The following AFF2 variants were observed in gnomAD, a reference collection of about 807,000 sequenced individuals.
The protein encoded by AFF2 is ALF transcription elongation factor 2, also known as AF4/FMR2 family member 2.
A neutral mutation model predicts 76.9 loss-of-function variants in AFF2; 14 were observed. The observed-to-expected ratio is 0.18, with a 90% CI of 0.12 to 0.28. The LOEUF (loss-of-function observed/expected upper bound fraction) is 0.28, where lower values mean the gene tolerates loss of function less well. Among genes scored for constraint, AFF2 ranks in the 10% least tolerant of loss-of-function variants. AFF2 has a pLI of 1.00. For synonymous variants in AFF2, 398 were observed against 366.7 expected, an observed-to-expected ratio of 1.09 and a Z score of -0.98; for missense variants, 868 against 1,001.1, an observed-to-expected ratio of 0.87 and a Z score of 1.79.
chrX:148,851,586 C>A (rs182668656), intron 7 of AFF2, among the ~76,000 whole-genome samples: 32 of 111,261 alleles, frequency 2.9e-4, no homozygotes, highest in Non-Finnish European at 5.1e-4. Context: ...AGAAAAGTAT[C>A]CAGAGAAGAG....
At chrX:148,753,921 A>G (rs890081045) in intron 3 of AFF2, among the ~76,000 whole-genome samples, 5 of 111,416 alleles carry the variant, frequency 4.5e-5, no homozygotes, top group Non-Finnish European at 7.5e-5. Flanking sequence ...TTGGCTCTCA[A>G]TCTTACTACG....
intron 3 of AFF2, among the ~76,000 whole-genome samples, chrX:148,672,633 C>A (rs1437456203): frequency 8.9e-6 from 1 of 112,379 alleles, no homozygotes; most frequent in Non-Finnish European, 1.9e-5. Flanking sequence ...TTTCGAAAGT[C>A]TGGACCAAAC....
chrX:148,784,282 A>C (rs1557269313), intron 3 of AFF2, among the ~76,000 whole-genome samples: 1 of 112,246 alleles, frequency 8.9e-6, no homozygotes, highest in Non-Finnish European at 1.9e-5. Context: ...CTTCCTTGCC[A>C]GAGGCAGCTG....
At chrX:148,905,901 T>C (rs1557281387) in intron 9 of AFF2, among the ~76,000 whole-genome samples, 2 of 112,721 alleles carry the variant, frequency 1.8e-5, no homozygotes, top group South Asian at 3.7e-4. Context: ...GTGCACACTC[T>C]ATCTAATGTC....
intron 2 of AFF2, among the ~76,000 whole-genome samples, chrX:148,656,268 G>A (rs2054250506): frequency 9.0e-6 from 1 of 111,512 alleles, no homozygotes; most frequent in Admixed American, 9.5e-5. Context: ...TGAGAAGGAT[G>A]TCTTCAAATG....
intron 15 of AFF2, among the ~76,000 whole-genome samples, chrX:148,970,181 C>A (rs1301546212): frequency 8.9e-6 from 1 of 111,958 alleles, no homozygotes; most frequent in Non-Finnish European, 1.9e-5. Context: ...TCACAAAATC[C>A]GCTTGAATTT....
chrX:148,977,892 G>T (rs374007505), intron 16 of AFF2, 41 bp from the exon 17 acceptor site: 148 of 984,824 alleles, frequency 1.5e-4, no homozygotes, highest in Non-Finnish European at 8.7e-5. Flanking sequence ...TTTCTGAAGG[G>T]TAATACAGAT....
intron 17 of AFF2, 47 bp from the exon 18 acceptor site, chrX:148,978,315 T>A (rs782491288): frequency 1.1e-6 from 1 of 929,379 alleles, no homozygotes; most frequent in East Asian, 3.1e-5. Context: ...GTTTATAAAG[T>A]TTCACTAAGC....
intron 8 of AFF2, among the ~76,000 whole-genome samples, chrX:148,895,878 C>G (rs1386910744): frequency 2.7e-5 from 3 of 111,207 alleles, no homozygotes; most frequent in Non-Finnish European, 5.7e-5. Context: ...TCTTACCTCT[C>G]TAATATTTCT....
intron 3 of AFF2, among the ~76,000 whole-genome samples, chrX:148,695,858 G>C (rs782198892): frequency 8.9e-6 from 1 of 111,894 alleles, no homozygotes; most frequent in Non-Finnish European, 1.9e-5. Context: ...CCAAAGGTAA[G>C]CCATCTTATC....
At chrX:148,784,539 G>A (rs1557269336) in intron 3 of AFF2, among the ~76,000 whole-genome samples, 1 of 111,606 alleles carries the variant, frequency 9.0e-6, no homozygotes, top group Non-Finnish European at 1.9e-5. Context: ...ATACCTTGAT[G>A]AGGTGAAGCG....
chrX:148,536,093 CCT>C (rs2052782334), intron 1 of AFF2, among the ~76,000 whole-genome samples: 1 of 109,651 alleles, frequency 9.1e-6, no homozygotes, highest in East Asian at 2.8e-4. Context: ...GTGGTGCGCC[CCT>C]GCTACTCGGG....
At chrX:148,927,081 G>C (rs1342444462) in intron 9 of AFF2, among the ~76,000 whole-genome samples, 1 of 112,063 alleles carries the variant, frequency 8.9e-6, no homozygotes, top group African/African-American at 3.2e-5. Flanking sequence ...TCTGAGTAAT[G>C]TTAGGATTTT....
intron 3 of AFF2, among the ~76,000 whole-genome samples, chrX:148,702,949 T>C (rs1349917932): frequency 3.6e-5 from 4 of 112,133 alleles, no homozygotes; most frequent in African/African-American, 1.3e-4. Flanking sequence ...AACAAGTTCA[T>C]TGAAACTCTT....
intron 1 of AFF2, among the ~76,000 whole-genome samples, chrX:148,506,730 G>A (rs2052423504): frequency 9.0e-6 from 1 of 111,265 alleles, no homozygotes; most frequent in South Asian, 3.8e-4. Flanking sequence ...AACTGGAGGT[G>A]GGAAGTTGGT....
At chrX:148,645,386 A>G (rs1254791583) in intron 1 of AFF2, among the ~76,000 whole-genome samples, 1 of 112,475 alleles carries the variant, frequency 8.9e-6, no homozygotes, top group Non-Finnish European at 1.9e-5. Context: ...CTTTAAATGT[A>G]AAGCAATTTA....
At chrX:148,671,559 T>TATC (rs1192675621) in intron 3 of AFF2, among the ~76,000 whole-genome samples, 1 of 111,299 alleles carries the variant, frequency 9.0e-6, no homozygotes, top group Non-Finnish European at 1.9e-5. Flanking sequence ...AGCCCAAACC[T>TATC]ATCTTGTTTG....
At chrX:148,511,030 G>T (rs1428100287) in intron 1 of AFF2, among the ~76,000 whole-genome samples, 1 of 111,890 alleles carries the variant, frequency 8.9e-6, no homozygotes, top group Non-Finnish European at 1.9e-5. Context: ...GATGCTTATA[G>T]AAATGTTATA....
rs782259211 is a variant in AFF2, at chrX:148,910,926, C to A, written c.1397+6668C>A. Among the ~76,000 whole-genome samples, 109 of 111,805 alleles carry A rather than the reference C, an allele frequency of 9.7e-4. 1 individual carries two copies. The highest frequency in any genetic ancestry group is 9.2e-3 in the Middle Eastern group (2 of 218). On this transcript the variant is annotated intron_variant, in intron 9 of 20. Coordinates refer to ENST00000370460, the MANE Select transcript of AFF2 (RefSeq NM_002025.4). ...TGTAGTATGAAATTGCATGCGTCAA[C>A]TCCTTGTTATAGGCCTCAGCTAGAT...
Sources: gnomAD v4.1 joint callset for allele counts (sites outside exome capture counted in the v4.1 genomes callset) on GRCh38, gnomAD v4.1.1 for gene constraint, MANE v1.5 for transcripts, NCBI Gene and HGNC (gene_info 2026-07-23, HGNC 2026-07-21) for gene names.